The following TRPM8 variants were observed in gnomAD, a reference collection of about 807,000 sequenced individuals.
TRPM8 encodes the protein transient receptor potential cation channel subfamily M member 8, also known as TRPM8 cationic channel.
In TRPM8, 110 loss-of-function variants were observed where a neutral mutation model predicts 133.7. That is an observed-to-expected ratio of 0.82 (90% CI 0.70 to 0.96). TRPM8 has a LOEUF of 0.96. Among genes scored for constraint, TRPM8 ranks in the 40% least tolerant of loss-of-function variants. The pLI is 0.00. For missense variants in TRPM8, 1,291 were observed against 1,379.5 expected (o/e 0.94, Z 1.02); for synonymous variants, 535 against 532.3 (o/e 1.01, Z -0.07).
intron 21 of TRPM8, among the ~76,000 whole-genome samples, chr2:233,987,888 G>A (rs572022010): frequency 1.1e-4 from 17 of 151,966 alleles, no homozygotes; most frequent in African/African-American, 3.6e-4. Context: ...TGCCATCCAC[G>A]TAAGACGTGA....
intron 17 of TRPM8, among the ~76,000 whole-genome samples, chr2:233,970,811 G>A (rs1464139773): frequency 6.6e-6 from 1 of 152,170 alleles, no homozygotes; most frequent in Non-Finnish European, 1.5e-5. Flanking sequence ...TGAGCTAAGA[G>A]CATCTTAATG....
intron 22 of TRPM8, among the ~76,000 whole-genome samples, chr2:233,998,177 C>T (rs1308187912): frequency 6.6e-6 from 1 of 152,122 alleles, no homozygotes; most frequent in African/African-American, 2.4e-5. Context: ...GGGCCAACTC[C>T]TCCATCAGGC....
At chr2:233,966,587 T>C in intron 14 of TRPM8, 23 bp from the exon 15 acceptor site, 2 of 1,613,892 alleles carry the variant, frequency 1.2e-6, no homozygotes, top group Non-Finnish European at 1.7e-6. Context: ...CACCAGCTTC[T>C]CTCTGTGCTG....
chr2:233,927,927 TC>T (rs1691595039), intron 2 of TRPM8, among the ~76,000 whole-genome samples: 2 of 22,492 alleles, frequency 8.9e-5, no homozygotes, highest in Admixed American at 4.7e-4. Context: ...TCTCTCTTTC[TC>T]TCTCTCTCTC....
chr2:234,004,313 A>G (rs1053292665), intron 22 of TRPM8, among the ~76,000 whole-genome samples: 3 of 152,234 alleles, frequency 2.0e-5, no homozygotes, highest in African/African-American at 7.2e-5. Flanking sequence ...GTAATGGGAC[A>G]GAGAGAGCCA....
intron 2 of TRPM8, among the ~76,000 whole-genome samples, chr2:233,928,939 G>A (rs1691625326): frequency 6.8e-6 from 1 of 146,672 alleles, no homozygotes; most frequent in African/African-American, 2.6e-5. Context: ...GTTTAGTTTT[G>A]TTCTGTTTTG....
intron 5 of TRPM8, among the ~76,000 whole-genome samples, chr2:233,940,088 C>T: frequency 6.7e-6 from 1 of 148,696 alleles, no homozygotes; most frequent in African/African-American, 2.5e-5. Context: ...TGGTTCTTAG[C>T]CTTTCCTTGT....
At chr2:233,921,677 CT>C (rs11373529) in intron 1 of TRPM8, among the ~76,000 whole-genome samples, 2,467 of 106,554 alleles carry the variant, frequency 0.023, 64 homozygotes, top group East Asian at 0.21. Context: ...CTTTTCTTTT[CT>C]TTTTTTTTTT....
Position 233,985,675 on chromosome 2 carries a change from T to C in TRPM8, c.2762-13T>C. On this transcript the variant is annotated splice_polypyrimidine_tract_variant and intron_variant, in intron 20 of 25. Coordinates refer to ENST00000324695, the MANE Select transcript of TRPM8 (RefSeq NM_024080.5). ...AGGGTCCTCACTTTGCCTGTTGGTT[T>C]CTACATCCTCAGGTACCACGTATGA... 1.2e-6 allele frequency: 2 copies of C among 1,611,318 alleles called. No homozygotes were observed. The highest frequency in any genetic ancestry group is 1.7e-6 in the Non-Finnish European group (2 of 1,177,876).
At chr2:233,917,947 G>T (rs1691334328) in intron 1 of TRPM8, among the ~76,000 whole-genome samples, 1 of 152,136 alleles carries the variant, frequency 6.6e-6, no homozygotes, top group Non-Finnish European at 1.5e-5. Context: ...TACATACTGT[G>T]TTTCCTTCCG....
At chr2:233,992,254 C>G (rs1482299161) in intron 21 of TRPM8, among the ~76,000 whole-genome samples, 1 of 151,384 alleles carries the variant, frequency 6.6e-6, no homozygotes, top group Admixed American at 6.6e-5. Flanking sequence ...AGTTCCTCCT[C>G]TTTTTTGTTT....
At chr2:234,015,037 A>G (rs982793795) in intron 25 of TRPM8, among the ~76,000 whole-genome samples, 8 of 152,248 alleles carry the variant, frequency 5.3e-5, no homozygotes, top group Non-Finnish European at 1.0e-4. Flanking sequence ...ATGTATTTAC[A>G]GATCAGCACC....
chr2:233,940,150 C>T (rs2125091618), intron 5 of TRPM8, among the ~76,000 whole-genome samples: 1 of 150,796 alleles, frequency 6.6e-6, no homozygotes, highest in South Asian at 2.1e-4. Context: ...TAGACTGTCT[C>T]TCATTGTGGA....
At chr2:234,002,265 G>A (rs1326019761) in intron 22 of TRPM8, among the ~76,000 whole-genome samples, 3 of 151,978 alleles carry the variant, frequency 2.0e-5, no homozygotes, top group African/African-American at 7.3e-5. Context: ...GGAGGACAGG[G>A]GAGAGAAGAC....
intron 6 of TRPM8, among the ~76,000 whole-genome samples, chr2:233,944,431 T>C (rs1157890118): frequency 6.6e-6 from 1 of 152,244 alleles, no homozygotes; most frequent in African/African-American, 2.4e-5. Flanking sequence ...TGGGTATTTT[T>C]ACCTCTGAAT....
intron 2 of TRPM8, among the ~76,000 whole-genome samples, chr2:233,927,705 T>A (rs1298647059): frequency 2.0e-5 from 3 of 150,828 alleles, no homozygotes; most frequent in Non-Finnish European, 3.0e-5. Context: ...AGACAGAGTC[T>A]GTCTCTTTCT....
intron 4 of TRPM8, among the ~76,000 whole-genome samples, chr2:233,937,960 T>C (rs1319726614): frequency 1.3e-5 from 2 of 152,212 alleles, no homozygotes; most frequent in Non-Finnish European, 2.9e-5. Context: ...ACATCCTCCG[T>C]GCTCCCAGTC....
chr2:233,966,570 G>A (rs1350230023), intron 14 of TRPM8, 40 bp from the exon 15 acceptor site: 2 of 1,612,694 alleles, frequency 1.2e-6, no homozygotes, highest in Non-Finnish European at 1.7e-6. Flanking sequence ...GTCATGTGCA[G>A]CTCTTACACC....
At position 234,016,474 on chromosome 2, in the gene TRPM8, C is replaced by T. The variant is rs374417276; in HGVS notation, c.*43-825C>T. Among the ~76,000 whole-genome samples the T allele has an allele frequency of 6.7e-4, 102 of 152,142 alleles. 1 individual carries two copies. Among genetic ancestry groups the T allele is most frequent in the African/African-American group, 2.3e-3 (94 of 41,432 alleles). ...CCAGTGTCTCCTTAGGCTTCTTTCT[C>T]TAGAGGGGTGAGGGTAATCCTTCCC... On this transcript the variant is annotated intron_variant, in intron 25 of 25. Transcript: ENST00000324695.
Sources: allele counts gnomAD v4.1 joint callset (sites outside exome capture counted in the v4.1 genomes callset), GRCh38; gene constraint gnomAD v4.1.1; transcripts MANE v1.5; gene names NCBI Gene and HGNC (gene_info 2026-07-23, HGNC 2026-07-21).